The following IGFN1 variants were observed in gnomAD, a reference collection of about 807,000 sequenced individuals.
IGFN1 encodes the protein immunoglobulin-like and fibronectin type III domain-containing protein 1.
A neutral mutation model predicts 289.5 loss-of-function variants in IGFN1; 253 were observed. The observed-to-expected ratio is 0.87, with a 90% CI of 0.79 to 0.97. IGFN1 has a LOEUF of 0.97. IGFN1 is among the 50% of genes least tolerant of loss of function. The pLI, the probability that IGFN1 is intolerant of heterozygous loss-of-function variation, is 0.00. For synonymous variants in IGFN1, 1,706 were observed against 1,788.5 expected (o/e 0.95, Z 1.16); for missense variants, 4,470 against 4,686.1 (o/e 0.95, Z 1.35).
rs1200669872 is a variant in IGFN1 at position 201,205,232 on chromosome 1, T to C, written c.1067T>C (p.Val356Ala). ...RLLHPSDKYE[V>A]YVSPDGLTHR... ...CTCCACCCCAGTGACAAATATGAAG[T>C]GTATGTGTCCCCTGACGGGCTGACC... The change falls in exon 11 of 24, where the codon GTG becomes GCG. Residue 356 changes from valine (V) to alanine (A), a missense_variant. Val to Ala is a moderately conservative substitution (Grantham distance 64, BLOSUM62 0). Around this residue, in one of 8 missense-constraint regions of IGFN1, gnomAD observed 2,011 missense variants for 1,953.4 expected, o/e 1.03. Transcript: ENST00000335211. 2 of 1,551,006 alleles carry C rather than the reference T, an allele frequency of 1.3e-6. No individual in the cohort carries two copies. The highest frequency in any genetic ancestry group is 1.4e-5 in the African/African-American group (1 of 73,096).
chr1:201,201,231 G>C (rs1456160460), intron 8 of IGFN1, among the ~76,000 whole-genome samples: 1 of 152,144 alleles, frequency 6.6e-6, no homozygotes, highest in Non-Finnish European at 1.5e-5. Flanking sequence ...TTTCTTTCCT[G>C]TGTCTAACTT....
At chr1:201,197,403 G>A (rs1469814453) in intron 5 of IGFN1, 86 bp downstream of exon 5, 3 of 824,922 alleles carry the variant, frequency 3.6e-6, no homozygotes, top group Non-Finnish European at 6.0e-6. Flanking sequence ...GTGAGGGAGG[G>A]GAGGGGAGGG....
intron 12 of IGFN1, 55 bp from the exon 13 acceptor site, chr1:201,214,122 C>A (rs566833163): frequency 1.3e-6 from 2 of 1,523,848 alleles, no homozygotes; most frequent in African/African-American, 1.4e-5. Context: ...CGGGGCACAG[C>A]GCAGGCCATG....
chr1:201,208,969 A>G lies in IGFN1; in HGVS notation c.4076A>G (p.Asp1359Gly), dbSNP rs1448437088. 1 of 1,528,882 alleles carries G rather than the reference A, an allele frequency of 6.5e-7. No homozygotes were observed. Among genetic ancestry groups the G allele is most frequent in the East Asian group, 2.5e-5 (1 of 40,442 alleles). 94.7% of individuals were successfully genotyped at this position (1,528,882 alleles called of 1,614,324 possible). A position where few individuals can be genotyped will look rare whatever the true frequency, so the allele number is the denominator to read the frequency against. The change falls in exon 12 of 24, where the codon GAT becomes GGT. Residue 1359 changes from aspartate to glycine, a missense_variant. By Grantham distance (94) the Asp-to-Gly change is moderately conservative. Coordinates refer to ENST00000335211, the MANE Select transcript of IGFN1 (RefSeq NM_001164586.2). ...SREAGSGSKA[D>G]YSGGLKGSRE... ...GAAGCGGGTTCAGGGAGCAAGGCAGATTATAGCGGTGGTTTAAAGGGTTCC... is the reference window on the plus strand; with the variant it reads ...GAAGCGGGTTCAGGGAGCAAGGCAGGTTATAGCGGTGGTTTAAAGGGTTCC...
At chr1:201,201,594 G>T (rs760743535) in intron 8 of IGFN1, 125 bp from the exon 9 acceptor site, 15 of 579,222 alleles carry the variant, frequency 2.6e-5, no homozygotes, top group Non-Finnish European at 4.4e-5. Flanking sequence ...ACTTGTAAAA[G>T]GGGCCAATGC....
chr1:201,223,349 A>ATTATTTATTTATTTATTTAT (rs34981617), intron 20 of IGFN1, among the ~76,000 whole-genome samples: 111 of 143,080 alleles, frequency 7.8e-4, no homozygotes, highest in African/African-American at 1.7e-3. Flanking sequence ...TTGGACAAAT[A>ATTATTTATTTATTTATTTAT]TTATTTATTT....
At chr1:201,219,344 G>A (rs2102362965) in intron 18 of IGFN1, among the ~76,000 whole-genome samples, 1 of 152,366 alleles carries the variant, frequency 6.6e-6, no homozygotes, top group South Asian at 2.1e-4. Flanking sequence ...GTCTGAGATA[G>A]CATTTTCTAT....
At chr1:201,218,486 C>A in intron 17 of IGFN1, 44 bp from the exon 18 acceptor site, 1 of 1,591,942 alleles carries the variant, frequency 6.3e-7, no homozygotes, top group South Asian at 1.1e-5. Flanking sequence ...CTCCCCATGT[C>A]CAGCACCATC....
Position 201,194,255 on chromosome 1 carries a change from A to G in IGFN1, c.109A>G (p.Thr37Ala). The G allele has an allele frequency of 6.4e-7, 1 of 1,551,464 alleles. No individual in the cohort carries two copies. Among genetic ancestry groups the G allele is most frequent in the Non-Finnish European group, 8.7e-7 (1 of 1,146,918 alleles). ...GCCGGACTTTGAGCAGAAGCCCGTC[A>G]CCTCGGCTCTGCCAGAGGGTGAGCC... ...STPDFEQKPVTSALPEGKNAV... is the reference protein window; with the variant it reads ...STPDFEQKPVASALPEGKNAV... The change falls in exon 3 of 24, where the codon ACC becomes GCC. Residue 37 changes from threonine to alanine, a missense_variant. By Grantham distance (58) the Thr-to-Ala change is moderately conservative. Transcript: ENST00000335211.
rs1387564509 is a variant in IGFN1 at position 201,215,001 on chromosome 1, C to T, written c.8854-12C>T. 6.2e-7 allele frequency: 1 copy of T among 1,612,138 alleles called. No individual in the cohort carries two copies. The highest frequency in any genetic ancestry group is 2.2e-5 in the East Asian group (1 of 44,852). ...GTGGGGTGACCTTCTCCTGCTGTGG[C>T]CCTGTCTCCAGCTCACCACCCAGGA... On this transcript the variant is annotated splice_polypyrimidine_tract_variant and intron_variant, in intron 13 of 23. Transcript: ENST00000335211.
intron 4 of IGFN1, 133 bp downstream of exon 4, chr1:201,196,111 A>G (rs1392690735): frequency 4.3e-6 from 4 of 919,910 alleles, no homozygotes; most frequent in Admixed American, 6.1e-5. Context: ...ATTCAACTCC[A>G]TCTCGTGACT....
intron 12 of IGFN1, 71 bp downstream of exon 12, chr1:201,213,692 C>G: frequency 7.8e-7 from 1 of 1,285,340 alleles, no homozygotes; most frequent in South Asian, 1.3e-5. Context: ...CACTGGGATG[C>G]TTGGGTCTGT....
intron 12 of IGFN1, 118 bp downstream of exon 12, chr1:201,213,739 C>A: frequency 1.3e-6 from 1 of 782,396 alleles, no homozygotes; most frequent in Non-Finnish European, 2.0e-6. Context: ...TTTGTCCCTG[C>A]CAGTGCTCCC....
At position 201,206,692 on chromosome 1, in the gene IGFN1, G is replaced by A. The variant is rs375212361; in HGVS notation, c.1799G>A (p.Arg600Gln). The A allele has an allele frequency of 7.2e-6, 11 of 1,536,788 alleles. No homozygotes were observed. The highest frequency in any genetic ancestry group is 2.0e-5 in the Admixed American group (1 of 50,974). The change falls in exon 12 of 24, where the codon CGA becomes CAA. Residue 600 changes from arginine (R) to glutamine (Q), a missense_variant. Physicochemically the swap from Arg to Gln is conservative, Grantham distance 43. Transcript: ENST00000335211. ...GCCCCAGAGCAACTGTGGGATGCTCGACTGGGACCTGGGAGAGGAAAGAGC... is the reference window on the plus strand; with the variant it reads ...GCCCCAGAGCAACTGTGGGATGCTCAACTGGGACCTGGGAGAGGAAAGAGC... ...RHAPEQLWDA[R>Q]LGPGRGKSDL...
chr1:201,213,651 A>G (rs2282413), intron 12 of IGFN1, 30 bp downstream of exon 12: 530,909 of 1,585,968 alleles, frequency 0.33, 90,184 homozygotes, highest in South Asian at 0.38. Context: ...GCTGGCTCCC[A>G]TGGGCTAGAG....
rs1270434006 is a variant in IGFN1, at chr1:201,215,165, G to A, written c.8995+11G>A. The A allele has an allele frequency of 2.5e-6, 4 of 1,591,890 alleles. No homozygotes were observed. In the African/African-American group the frequency reaches 6.0e-5, roughly 24 times the overall value. ...CCCTGACCGTCCAGGGTAAGGCCCA[G>A]CCCTGCCCTGCCCTGCCCTGTCCTG... is the stretch of plus-strand genomic sequence containing the variant. On this transcript the variant is annotated intron_variant, in intron 14 of 23. Coordinates refer to ENST00000335211, the MANE Select transcript of IGFN1 (RefSeq NM_001164586.2).
At position 201,207,252 on chromosome 1, in the gene IGFN1, G is replaced by A. The variant is rs1192745062; in HGVS notation, c.2359G>A (p.Val787Ile). ...AGGAGACCCCAGAGGCTGCGAAGGT[G>A]TCCTACAGGAGCTCAGGGGAAGGGA... ...GPGDPRGCEG[V>I]LQELRGRDGQ... Residue 787 changes from valine (V) to isoleucine (I), a missense_variant, in exon 12 of 24, where the codon GTC becomes ATC. Coordinates refer to ENST00000335211, the MANE Select transcript of IGFN1 (RefSeq NM_001164586.2). 1 of 1,536,774 alleles carries A rather than the reference G, an allele frequency of 6.5e-7. No individual in the cohort carries two copies. Among genetic ancestry groups the A allele is most frequent in the Non-Finnish European group, 8.7e-7 (1 of 1,146,880 alleles).
rs761014188 is a variant in IGFN1 at position 201,213,490 on chromosome 1, CT to C, written c.8598del (p.Gly2867ValfsTer119). ...MLNEDQSREP[P>X]GHLGSRRSGK... ...AATGAAGATCAGAGCCGGGAGCCCC[CT>C]GGTCACCTTGGTAGCAGGAGAAGTG... On this transcript the variant is annotated frameshift_variant, in exon 12 of 24. Coordinates refer to ENST00000335211, the MANE Select transcript of IGFN1 (RefSeq NM_001164586.2). LOFTEE classifies it high-confidence loss of function. The C allele has an allele frequency of 2.5e-6, 4 of 1,614,000 alleles. No individual in the cohort carries two copies. The highest frequency in any genetic ancestry group is 2.2e-5 in the East Asian group (1 of 44,860).
Position 201,195,883 on chromosome 1 carries a change from C to G in IGFN1, c.172C>G (p.Pro58Ala), listed in dbSNP as rs896855424. The change falls in exon 4 of 24, where the codon CCC (proline) becomes GCC (alanine). Residue 58 changes from proline to alanine, a missense_variant. Pro to Ala is a conservative substitution (Grantham distance 27). Around this residue, in one of 8 missense-constraint regions of IGFN1, gnomAD observed 2,011 missense variants for 1,953.4 expected, o/e 1.03. Transcript: ENST00000335211. ...GGCTGTGGTCTGTGGGGAGCCCAGGCCCGAGGTGCGTTGGCAGAACTCCAA... is the reference window on the plus strand; with the variant it reads ...GGCTGTGGTCTGTGGGGAGCCCAGGGCCGAGGTGCGTTGGCAGAACTCCAA... ...FRAVVCGEPR[P>A]EVRWQNSKGD... is the part of the protein sequence containing the mutation. The G allele has an allele frequency of 6.4e-7, 1 of 1,551,592 alleles. No individual in the cohort carries two copies. Among genetic ancestry groups the G allele is most frequent in the Non-Finnish European group, 8.7e-7 (1 of 1,146,986 alleles).
Sources: gnomAD v4.1 joint callset for allele counts (sites outside exome capture counted in the v4.1 genomes callset) on GRCh38, gnomAD v4.1.1 for gene constraint, gnomAD v4.1.1 regional missense constraint, MANE v1.5 for transcripts, NCBI Gene and HGNC (gene_info 2026-07-23, HGNC 2026-07-21) for gene names.